The following FER variants were observed in gnomAD, a reference collection of about 807,000 sequenced individuals.
FER encodes FER tyrosine kinase.
Under a neutral mutation model 111.0 loss-of-function variants are expected in FER, and 63 were observed. That is an observed-to-expected ratio of 0.57 (90% CI 0.46 to 0.70). The LOEUF (loss-of-function observed/expected upper bound fraction) is 0.70. Ranked by LOEUF, FER falls within the 30% of genes least tolerant of loss-of-function variation. The pLI, the probability that FER is intolerant of heterozygous loss-of-function variation, is 0.00. For synonymous variants in FER, 327 were observed against 313.9 expected, an observed-to-expected ratio of 1.04 and a Z score of -0.44; for missense variants, 914 against 954.0, an observed-to-expected ratio of 0.96 and a Z score of 0.55.
At chr5:109,150,200 TAA>T (rs1230559275) in intron 17 of FER, among the ~76,000 whole-genome samples, 1 of 152,150 alleles carries the variant, frequency 6.6e-6, no homozygotes, top group Non-Finnish European at 1.5e-5. Context: ...TCATTTTCTC[TAA>T]GTCATCCCTT....
Position 108,847,161 on chromosome 5 carries a change from T to G in FER, c.481+11354T>G, listed in dbSNP as rs564001304. Among the ~76,000 whole-genome samples, 5 of 151,830 alleles carry G rather than the reference T, an allele frequency of 3.3e-5. No individual in the cohort carries two copies. In the East Asian group the frequency reaches 9.7e-4, roughly 30 times the overall value. On this transcript the variant is annotated intron_variant, in intron 5 of 19. Transcript: ENST00000281092. Reference sequence around the variant, plus strand: ...ACTCTAAAGTTCCTTAAATACTTTTTTTTTTTGCAGTTTGCCCTCAATTTT... The same window carrying G: ...ACTCTAAAGTTCCTTAAATACTTTTGTTTTTTGCAGTTTGCCCTCAATTTT...
At chr5:109,167,724 A>G (rs1756698600) in intron 17 of FER, among the ~76,000 whole-genome samples, 1 of 152,148 alleles carries the variant, frequency 6.6e-6, no homozygotes, top group Admixed American at 6.6e-5. Context: ...CTTGATAGTA[A>G]AAATAGCCTA....
At chr5:108,831,964 CT>C (rs1255909700) in intron 3 of FER, among the ~76,000 whole-genome samples, 3 of 151,182 alleles carry the variant, frequency 2.0e-5, no homozygotes, top group Non-Finnish European at 3.0e-5. Flanking sequence ...GAGGATTCCT[CT>C]GTTCCTTTTT....
chr5:108,914,410 A>G (rs1751982415), intron 10 of FER, among the ~76,000 whole-genome samples: 1 of 152,152 alleles, frequency 6.6e-6, no homozygotes, highest in Non-Finnish European at 1.5e-5. Context: ...TCTATGGACT[A>G]TGTACCTCTT....
At chr5:108,976,411 T>C (rs1761345709) in intron 13 of FER, among the ~76,000 whole-genome samples, 1 of 152,108 alleles carries the variant, frequency 6.6e-6, no homozygotes, top group Admixed American at 6.6e-5. Flanking sequence ...CTCATCAAGG[T>C]TTTCTAAGGT....
rs949687186 is a variant in FER, at chr5:109,006,473, C to T, written c.1657-30949C>T. Among the ~76,000 whole-genome samples, 6 of 152,164 alleles carry T rather than the reference C, an allele frequency of 3.9e-5. 1 individual carries two copies. The highest frequency in any genetic ancestry group is 1.4e-4 in the African/African-American group (6 of 41,422). ...TTGCCTTCCACCATGATTGTGAGGC[C>T]TCCCCAGCTATGTGGAACTGTGAGT... On this transcript the variant is annotated intron_variant, in intron 13 of 19. Coordinates refer to ENST00000281092, the MANE Select transcript of FER (RefSeq NM_005246.4).
At position 108,867,801 on chromosome 5, in the gene FER, C is replaced by G; in HGVS notation, c.516C>G (p.Asp172Glu). 1 of 1,610,750 alleles carries G rather than the reference C, an allele frequency of 6.2e-7. No homozygotes were observed. Among genetic ancestry groups the G allele is most frequent in the Non-Finnish European group, 8.5e-7 (1 of 1,178,882 alleles). ...KETEKAKERY[D>E]KATMKLHMLH... ...CTGAAAAGGCCAAGGAACGATACGA[C>G]AAAGCCACAATGAAACTTCATATGT... Residue 172 changes from aspartate (D) to glutamate (E), a missense_variant, in exon 6 of 20, where the codon GAC becomes GAG. Asp to Glu is a conservative substitution (Grantham distance 45). Coordinates refer to ENST00000281092, the MANE Select transcript of FER (RefSeq NM_005246.4).
At chr5:108,833,889 AT>A (rs1760323163) in intron 4 of FER, among the ~76,000 whole-genome samples, 1 of 152,018 alleles carries the variant, frequency 6.6e-6, no homozygotes, top group Non-Finnish European at 1.5e-5. Flanking sequence ...AAAAAAAAAA[AT>A]GTAACTACAA....
intron 13 of FER, among the ~76,000 whole-genome samples, chr5:108,969,568 G>A (rs1045700247): frequency 6.6e-6 from 1 of 151,902 alleles, no homozygotes; most frequent in Non-Finnish European, 1.5e-5. Flanking sequence ...TGAAAGCAGA[G>A]GTTTAGGGGA....
intron 14 of FER, among the ~76,000 whole-genome samples, chr5:109,039,035 C>A (rs181439000): frequency 2.0e-5 from 3 of 151,880 alleles, no homozygotes; most frequent in African/African-American, 4.8e-5. Context: ...TTAATTTCAT[C>A]CAGTAGTTTT....
At chr5:108,797,191 G>A (rs746289863) in intron 2 of FER, among the ~76,000 whole-genome samples, 6 of 151,974 alleles carry the variant, frequency 3.9e-5, no homozygotes, top group South Asian at 2.1e-4. Context: ...TATAATAGGC[G>A]CCTAATGACT....
intron 5 of FER, among the ~76,000 whole-genome samples, chr5:108,846,827 C>A (rs1762078311): frequency 6.6e-6 from 1 of 152,088 alleles, no homozygotes; most frequent in Non-Finnish European, 1.5e-5. Flanking sequence ...TTGTGATCTT[C>A]CCGCCTCGGC....
At chr5:108,899,483 C>A (rs532709940) in intron 10 of FER, among the ~76,000 whole-genome samples, 1 of 152,088 alleles carries the variant, frequency 6.6e-6, no homozygotes, top group East Asian at 1.9e-4. Flanking sequence ...TTCCCTGTTA[C>A]CATGACGTTG....
At chr5:109,105,830 T>C (rs978549373) in intron 17 of FER, among the ~76,000 whole-genome samples, 2 of 152,246 alleles carry the variant, frequency 1.3e-5, no homozygotes, top group Non-Finnish European at 2.9e-5. Context: ...TGTCTGAGAA[T>C]GTCAGCTTCC....
At chr5:108,796,531 C>G (rs1255779546) in intron 2 of FER, among the ~76,000 whole-genome samples, 1 of 152,138 alleles carries the variant, frequency 6.6e-6, no homozygotes, top group East Asian at 1.9e-4. Context: ...GAGTCAAAAC[C>G]TTAGAAATCT....
intron 2 of FER, among the ~76,000 whole-genome samples, chr5:108,791,004 C>G (rs1204039115): frequency 1.3e-5 from 2 of 152,162 alleles, no homozygotes; most frequent in East Asian, 3.8e-4. Context: ...AAATTATATT[C>G]CATTGTATGG....
At chr5:108,808,880 A>G (rs1057403939) in intron 3 of FER, among the ~76,000 whole-genome samples, 1 of 152,070 alleles carries the variant, frequency 6.6e-6, no homozygotes, top group Non-Finnish European at 1.5e-5. Context: ...TCTTGATTGG[A>G]ATTTCTTTTC....
At chr5:108,757,837 A>G (rs1751289485) in intron 1 of FER, among the ~76,000 whole-genome samples, 1 of 152,178 alleles carries the variant, frequency 6.6e-6, no homozygotes, top group East Asian at 1.9e-4. Flanking sequence ...TATGGTGACT[A>G]TTTCACAATT....
At position 108,881,770 on chromosome 5, in the gene FER, T is replaced by G. The variant is rs115988767; in HGVS notation, c.924-1626T>G. ...GAGAGGTAGTGGGTTCTGTGCTGCT[T>G]CTTCTTATAAGGGCTCTGATCCCAT... On this transcript the variant is annotated intron_variant, in intron 8 of 19. Transcript: ENST00000281092. Among the ~76,000 whole-genome samples the G allele has an allele frequency of 6.8e-3, 1,041 of 152,024 alleles. 17 individuals are homozygous for G. Among genetic ancestry groups the G allele is most frequent in the African/African-American group, 0.023 (945 of 41,474 alleles).
Sources: allele counts gnomAD v4.1 joint callset (sites outside exome capture counted in the v4.1 genomes callset), GRCh38; gene constraint gnomAD v4.1.1; transcripts MANE v1.5; gene names NCBI Gene and HGNC (gene_info 2026-07-23, HGNC 2026-07-21).